GRIP1: variants seen among roughly 807,000 people sequenced by gnomAD.
GRIP1 encodes glutamate receptor interacting protein 1.
GRIP1 carries 45 observed loss-of-function variants against 129.9 expected under a neutral mutation model. The observed-to-expected ratio is 0.35, with a 90% confidence interval of 0.27 to 0.44. The LOEUF is 0.44. Among genes scored for constraint, GRIP1 ranks in the 20% least tolerant of loss-of-function variants. GRIP1 has a pLI of 1.00. For missense variants in GRIP1, 1,196 were observed against 1,396.8 expected, an observed-to-expected ratio of 0.86 and a Z score of 2.29; for synonymous variants, 530 against 520.8, an observed-to-expected ratio of 1.02 and a Z score of -0.24.
At chr12:66,916,796 A>C (rs1005327365) in intron 1 of GRIP1, among the ~76,000 whole-genome samples, 2 of 152,054 alleles carry the variant, frequency 1.3e-5, no homozygotes, top group Non-Finnish European at 2.9e-5. Context: ...ATACAAAACA[A>C]ATTTCTTGTA....
chr12:66,542,399 T>C (rs966228427), intron 2 of GRIP1, among the ~76,000 whole-genome samples: 7 of 152,206 alleles, frequency 4.6e-5, no homozygotes, highest in African/African-American at 1.7e-4. Context: ...GGAAGCCAAC[T>C]GAAAGGAGAA....
intron 1 of GRIP1, among the ~76,000 whole-genome samples, chr12:66,661,026 T>C (rs975838419): frequency 6.6e-6 from 1 of 152,108 alleles, no homozygotes; most frequent in African/African-American, 2.4e-5. Flanking sequence ...TTGGAATGAA[T>C]GTTATCATTT....
At chr12:66,848,071 T>C (rs2039849671) in intron 1 of GRIP1, among the ~76,000 whole-genome samples, 1 of 152,182 alleles carries the variant, frequency 6.6e-6, no homozygotes, top group Non-Finnish European at 1.5e-5. Context: ...TATCCGACTT[T>C]CAAATACCGT....
intron 1 of GRIP1, among the ~76,000 whole-genome samples, chr12:66,695,661 C>T (rs2035132735): frequency 6.6e-6 from 1 of 152,160 alleles, no homozygotes; most frequent in Admixed American, 6.5e-5. Context: ...GGTTGATAAT[C>T]TTCGTTTTTA....
chr12:66,821,743 G>A (rs1050273398), intron 1 of GRIP1, among the ~76,000 whole-genome samples: 1 of 152,168 alleles, frequency 6.6e-6, no homozygotes, highest in Non-Finnish European at 1.5e-5. Context: ...TAGTCTTGTA[G>A]AAGGAAGTGA....
At chr12:66,759,285 T>C (rs1037905082) in intron 1 of GRIP1, among the ~76,000 whole-genome samples, 3 of 152,210 alleles carry the variant, frequency 2.0e-5, no homozygotes, top group African/African-American at 7.2e-5. Flanking sequence ...GAGTTCTACA[T>C]TGGCCCCTTT....
At chr12:66,920,018 T>C (rs1338917172) in intron 1 of GRIP1, among the ~76,000 whole-genome samples, 1 of 152,088 alleles carries the variant, frequency 6.6e-6, no homozygotes, top group African/African-American at 2.4e-5. Flanking sequence ...GTCAATAATA[T>C]AAACCCAATA....
intron 1 of GRIP1, among the ~76,000 whole-genome samples, chr12:66,932,860 G>A (rs1365069440): frequency 6.6e-6 from 1 of 151,994 alleles, no homozygotes; most frequent in East Asian, 1.9e-4. Flanking sequence ...CTAGAGACAG[G>A]GTTTCACCAT....
chr12:66,467,951 CA>C lies in GRIP1; in HGVS notation c.725-2530del, dbSNP rs572244285. Among the ~76,000 whole-genome samples the C allele has an allele frequency of 1.6e-4, 25 of 152,276 alleles. No homozygotes were observed. The East Asian group carries it at 4.6e-3, about 28-fold the overall frequency. ...CTAAAGATAAATTTATTTTACTTAA[CA>C]GGTGAAAGTGATAAAGTTTCTATAT... On this transcript the variant is annotated intron_variant, in intron 7 of 24. Coordinates refer to ENST00000359742, the MANE Select transcript of GRIP1 (RefSeq NM_001366722.1).
intron 1 of GRIP1, among the ~76,000 whole-genome samples, chr12:66,765,843 G>A (rs1431003455): frequency 2.0e-5 from 3 of 152,194 alleles, no homozygotes. Context: ...TGGAGGAAGA[G>A]GCAGAAATAG....
At chr12:66,635,666 G>A (rs1331241838) in intron 1 of GRIP1, among the ~76,000 whole-genome samples, 1 of 151,844 alleles carries the variant, frequency 6.6e-6, no homozygotes, top group Non-Finnish European at 1.5e-5. Flanking sequence ...GAAATCAAGA[G>A]AAGAAAATTG....
chr12:66,362,150 T>C (rs1382376047), intron 23 of GRIP1, among the ~76,000 whole-genome samples: 1 of 141,660 alleles, frequency 7.1e-6, no homozygotes, highest in Non-Finnish European at 1.5e-5. Context: ...ATCTTTTTTT[T>C]TTTTTTTTTT....
chr12:67,009,597 T>C (rs1483865227), intron 1 of GRIP1, among the ~76,000 whole-genome samples: 3 of 152,192 alleles, frequency 2.0e-5, no homozygotes, highest in Non-Finnish European at 4.4e-5. Context: ...CAAAATGGTT[T>C]CTGTTTGTGG....
At chr12:66,848,407 A>G (rs1051163803) in intron 1 of GRIP1, among the ~76,000 whole-genome samples, 2 of 152,166 alleles carry the variant, frequency 1.3e-5, no homozygotes, top group Admixed American at 1.3e-4. Context: ...AGTGAATAAG[A>G]CAGAAAATAG....
chr12:66,520,259 C>T (rs2060961345), intron 5 of GRIP1, among the ~76,000 whole-genome samples: 1 of 152,186 alleles, frequency 6.6e-6, no homozygotes, highest in African/African-American at 2.4e-5. Flanking sequence ...ACAGCACTTT[C>T]TCATTCTGAT....
intron 2 of GRIP1, among the ~76,000 whole-genome samples, chr12:66,574,825 G>A (rs1305825863): frequency 2.3e-5 from 3 of 130,944 alleles, no homozygotes; most frequent in Non-Finnish European, 5.0e-5. Context: ...CTCTGTCGCC[G>A]CCCTGGCTGG....
At chr12:66,935,178 G>C (rs1056223643) in intron 1 of GRIP1, among the ~76,000 whole-genome samples, 1 of 152,068 alleles carries the variant, frequency 6.6e-6, no homozygotes, top group African/African-American at 2.4e-5. Context: ...CTATCTCTGG[G>C]CCAGCATTCC....
chr12:66,923,891 C>T (rs1386534547), intron 1 of GRIP1, among the ~76,000 whole-genome samples: 1 of 151,986 alleles, frequency 6.6e-6, no homozygotes, highest in Non-Finnish European at 1.5e-5. Flanking sequence ...GTTGTCCACG[C>T]TGGAGTGTAA....
intron 1 of GRIP1, among the ~76,000 whole-genome samples, chr12:67,018,314 T>C (rs1438714850): frequency 6.6e-6 from 1 of 152,166 alleles, no homozygotes; most frequent in Non-Finnish European, 1.5e-5. Context: ...GAGGAGCGCC[T>C]CCAAGTGGGC....
Sources: allele counts gnomAD v4.1 joint callset (sites outside exome capture counted in the v4.1 genomes callset), GRCh38; gene constraint gnomAD v4.1.1; transcripts MANE v1.5; gene names NCBI Gene and HGNC (gene_info 2026-07-23, HGNC 2026-07-21).